The following DPP10 variants were observed in gnomAD, a reference collection of about 807,000 sequenced individuals.
The protein encoded by DPP10 is dipeptidyl peptidase like 10, also known as inactive dipeptidyl peptidase 10.
Under a neutral mutation model 120.9 loss-of-function variants are expected in DPP10, and 33 were observed. The observed-to-expected ratio is 0.27, with a 90% CI of 0.21 to 0.37. The LOEUF (loss-of-function observed/expected upper bound fraction) is 0.37. Among genes scored for constraint, DPP10 ranks in the 10% least tolerant of loss-of-function variants. The probability of loss-of-function intolerance (pLI) is 1.00; values close to 1 mark genes in which losing one functional copy is unlikely to be tolerated. For synonymous variants in DPP10, 337 were observed against 326.1 expected (o/e 1.03, Z -0.36); for missense variants, 816 against 942.8 (o/e 0.87, Z 1.76).
At chr2:115,679,193 G>A (rs2090482006) in intron 5 of DPP10, among the ~76,000 whole-genome samples, 1 of 149,396 alleles carries the variant, frequency 6.7e-6, no homozygotes, top group South Asian at 2.1e-4. Flanking sequence ...GACATGAGAT[G>A]TGGGGGGGGT....
chr2:115,233,780 C>T (rs2057859792), intron 1 of DPP10, among the ~76,000 whole-genome samples: 1 of 152,132 alleles, frequency 6.6e-6, no homozygotes, highest in South Asian at 2.1e-4. Flanking sequence ...ATAGAATTTC[C>T]ACAGCATCCT....
rs767079376 is a variant in DPP10 at position 115,109,635 on chromosome 2, C to T, written c.61-199604C>T. ...ATTTCAGTTTAAAGAATTGTAAGTTCTATTAAGGAGATATTTTTTAACACA... is the reference window on the plus strand; with the variant it reads ...ATTTCAGTTTAAAGAATTGTAAGTTTTATTAAGGAGATATTTTTTAACACA... On this transcript the variant is annotated intron_variant, in intron 1 of 25. Transcript: ENST00000410059. Among the ~76,000 whole-genome samples the T allele has an allele frequency of 2.2e-4, 33 of 152,222 alleles. 1 individual carries two copies. In the Middle Eastern group the frequency reaches 0.02, roughly 94 times the overall value.
chr2:115,837,701 A>C (rs1689673795), intron 24 of DPP10, among the ~76,000 whole-genome samples: 1 of 152,136 alleles, frequency 6.6e-6, no homozygotes, highest in African/African-American at 2.4e-5. Context: ...TGTAGTGGGG[A>C]TGGCACTTTA....
At chr2:115,466,210 C>G (rs1420208413) in intron 3 of DPP10, among the ~76,000 whole-genome samples, 1 of 152,152 alleles carries the variant, frequency 6.6e-6, no homozygotes, top group Non-Finnish European at 1.5e-5. Flanking sequence ...CTCCCTATCT[C>G]CCACCTGGGA....
intron 13 of DPP10, among the ~76,000 whole-genome samples, chr2:115,769,577 ATAT>A (rs747894863): frequency 7.9e-5 from 12 of 152,036 alleles, no homozygotes. Context: ...TTTTCATAGT[ATAT>A]TATTAAGGTG....
chr2:114,718,814 C>T (rs1574035458), intron 1 of DPP10, among the ~76,000 whole-genome samples: 1 of 152,142 alleles, frequency 6.6e-6, no homozygotes, highest in African/African-American at 2.4e-5. Flanking sequence ...TAATTCAACT[C>T]GTCTTATTTT....
At chr2:114,663,668 T>TATATATATATAGAGAGAGAGAG in intron 1 of DPP10, among the ~76,000 whole-genome samples, 24 of 80,690 alleles carry the variant, frequency 3.0e-4, no homozygotes, top group African/African-American at 1.7e-3. Context: ...TATATATATA[T>TATATATATATAGAGAGAGAGAG]AGAGAGAGAG....
At chr2:115,668,715 A>G (rs1261892244) in intron 5 of DPP10, among the ~76,000 whole-genome samples, 3 of 152,104 alleles carry the variant, frequency 2.0e-5, no homozygotes, top group East Asian at 3.9e-4. Context: ...CAGATCTCCC[A>G]TGTGCACTTC....
intron 3 of DPP10, among the ~76,000 whole-genome samples, chr2:115,374,469 G>A (rs571868505): frequency 5.8e-4 from 88 of 152,150 alleles, no homozygotes; most frequent in African/African-American, 1.4e-3. Context: ...TGCATGGTGC[G>A]TGCTGTTGGT....
At chr2:115,209,892 AAT>A (rs2105344551) in intron 1 of DPP10, among the ~76,000 whole-genome samples, 1 of 152,282 alleles carries the variant, frequency 6.6e-6, no homozygotes, top group South Asian at 2.1e-4. Context: ...TCATTTCTAT[AAT>A]ATCTTAAGTA....
rs1697622688 is a variant in DPP10 at position 114,663,638 on chromosome 2, C to CAT, written c.60+220801_60+220802insTA. On this transcript the variant is annotated intron_variant, in intron 1 of 25. Coordinates refer to ENST00000410059, the MANE Select transcript of DPP10 (RefSeq NM_020868.6). ...ACATATATGTCTATATATACATGTA[C>CAT]AGATATATATATATATATATATATA... Among the ~76,000 whole-genome samples, 2 of 94,694 alleles carry CAT rather than the reference C, an allele frequency of 2.1e-5. 1 individual carries two copies. The highest frequency in any genetic ancestry group is 1.2e-4 in the African/African-American group (2 of 17,194). 62.1% of individuals were successfully genotyped at this position (94,694 alleles called of 152,430 possible).
chr2:114,995,305 CTT>C lies in DPP10; in HGVS notation c.61-313932_61-313931del, dbSNP rs147763896. Reference sequence around the variant, plus strand: ...TTGCTTTGCCTGTATTTTGTGACCTCTTTGTGAGTGAGACATCTATGTCTTGA... The same window carrying C: ...TTGCTTTGCCTGTATTTTGTGACCTCTGTGAGTGAGACATCTATGTCTTGA... On this transcript the variant is annotated intron_variant, in intron 1 of 25. Transcript: ENST00000410059. 7.5e-3 allele frequency among the ~76,000 whole-genome samples: 1,146 copies of C among 152,224 alleles called. 12 individuals are homozygous for C. The highest frequency in any genetic ancestry group is 0.026 in the African/African-American group (1,094 of 41,516).
chr2:114,574,596 A>C (rs1185617140), intron 1 of DPP10, among the ~76,000 whole-genome samples: 2 of 152,140 alleles, frequency 1.3e-5, no homozygotes, highest in African/African-American at 4.8e-5. Context: ...TCCCCCCAGC[A>C]CCTGTCACAT....
At chr2:114,960,947 C>T (rs10210557) in intron 1 of DPP10, among the ~76,000 whole-genome samples, 104,126 of 150,674 alleles carry the variant, frequency 0.69, 36,109 homozygotes, top group South Asian at 0.77. Flanking sequence ...ATCTAATTGT[C>T]ATTGTTTAAA....
At chr2:115,280,753 G>T (rs2060126346) in intron 1 of DPP10, among the ~76,000 whole-genome samples, 1 of 152,130 alleles carries the variant, frequency 6.6e-6, no homozygotes, top group Non-Finnish European at 1.5e-5. Context: ...CTGAATTTTT[G>T]AGAGTATTGC....
intron 5 of DPP10, among the ~76,000 whole-genome samples, chr2:115,661,478 G>A (rs1453942104): frequency 6.6e-6 from 1 of 152,202 alleles, no homozygotes; most frequent in Non-Finnish European, 1.5e-5. Flanking sequence ...AATGGTCACA[G>A]GATATTTTGT....
chr2:114,696,823 G>T (rs1700096097), intron 1 of DPP10, among the ~76,000 whole-genome samples: 1 of 151,818 alleles, frequency 6.6e-6, no homozygotes, highest in Non-Finnish European at 1.5e-5. Flanking sequence ...AAGCACCATG[G>T]TATCATGGTC....
intron 3 of DPP10, among the ~76,000 whole-genome samples, chr2:115,493,286 G>T (rs2076220560): frequency 6.6e-6 from 1 of 151,848 alleles, no homozygotes; most frequent in African/African-American, 2.4e-5. Context: ...ATACAGGAAA[G>T]GTGTAACCAA....
chr2:115,578,933 T>C (rs945727960), intron 5 of DPP10, among the ~76,000 whole-genome samples: 4 of 152,216 alleles, frequency 2.6e-5, no homozygotes, highest in African/African-American at 9.6e-5. Flanking sequence ...CATTCAGTCC[T>C]GAGTGGGATC....
Sources: allele counts gnomAD v4.1 joint callset (sites outside exome capture counted in the v4.1 genomes callset), GRCh38; gene constraint gnomAD v4.1.1; transcripts MANE v1.5; gene names NCBI Gene and HGNC (gene_info 2026-07-23, HGNC 2026-07-21).